RHBDD1: variants seen among roughly 807,000 people sequenced by gnomAD.
RHBDD1 encodes rhomboid domain containing 1.
A neutral mutation model predicts 36.3 loss-of-function variants in RHBDD1; 38 were observed. The observed-to-expected ratio is 1.05, with a 90% CI of 0.81 to 1.37. The LOEUF (loss-of-function observed/expected upper bound fraction) is 1.37. Among genes scored for constraint, RHBDD1 ranks in the 40% most tolerant of loss-of-function variants. The pLI is 0.00. For missense variants in RHBDD1, 393 were observed against 377.6 expected, an observed-to-expected ratio of 1.04 and a Z score of -0.34; for synonymous variants, 151 against 136.5, an observed-to-expected ratio of 1.11 and a Z score of -0.74.
intron 3 of RHBDD1, among the ~76,000 whole-genome samples, chr2:226,850,899 G>T (rs1441550999): frequency 6.6e-6 from 1 of 152,098 alleles, no homozygotes; most frequent in Non-Finnish European, 1.5e-5. Flanking sequence ...GAAAGCTGGG[G>T]TAGTTCCATA....
intron 2 of RHBDD1, among the ~76,000 whole-genome samples, chr2:226,838,974 C>A (rs958502760): frequency 2.0e-5 from 3 of 152,138 alleles, no homozygotes; most frequent in East Asian, 1.9e-4. Flanking sequence ...GACACTGTTA[C>A]AGGAAATGAG....
intron 7 of RHBDD1, among the ~76,000 whole-genome samples, chr2:226,911,209 G>C (rs1460246394): frequency 1.3e-5 from 2 of 152,062 alleles, no homozygotes; most frequent in Non-Finnish European, 2.9e-5. Flanking sequence ...GGGTTATTTT[G>C]GCTTTTGAAT....
At chr2:226,830,796 C>A (rs1940721697), upstream of RHBDD1, among the ~76,000 whole-genome samples, 2 of 148,516 alleles carry the variant, frequency 1.3e-5, no homozygotes, top group Admixed American at 6.6e-5. Context: ...CCTCAGCCTC[C>A]TGAGTAGCTG....
chr2:226,988,498 A>G (rs1957492913), intron 8 of RHBDD1: 1 of 1,529,422 alleles, frequency 6.5e-7, no homozygotes, highest in African/African-American at 1.4e-5. Flanking sequence ...GCAAAGACTC[A>G]GGCCTTGCGA....
At chr2:226,806,517 C>T in the RHBDD1 span, among the ~76,000 whole-genome samples, 3 of 152,208 alleles carry the variant, frequency 2.0e-5, no homozygotes, top group African/African-American at 7.2e-5. Flanking sequence ...TAACCTCCAG[C>T]AACTGTCACA....
At chr2:226,810,119 G>C in the RHBDD1 span, among the ~76,000 whole-genome samples, 8 of 152,172 alleles carry the variant, frequency 5.3e-5, no homozygotes, top group Non-Finnish European at 8.8e-5. Context: ...TATAACTTTA[G>C]ACTCTCCAAA....
At position 226,995,452 on chromosome 2, in the gene RHBDD1, C is replaced by T. The variant is rs765216244; in HGVS notation, c.878C>T (p.Pro293Leu). The change falls in exon 9 of 9, where the codon CCA becomes CTA. Residue 293 changes from proline (P) to leucine (L), a missense_variant. Pro to Leu is a moderately conservative substitution (Grantham distance 98). Transcript: ENST00000392062. ...ACAGGAAATACCAGAAATAGCCCAC[C>T]ACCCTACGGGTTTCATCTCTCACCA... is the stretch of plus-strand genomic sequence containing the variant. ...WDRGNTRNSP[P>L]PYGFHLSPEE... 3.2e-5 allele frequency: 51 copies of T among 1,612,420 alleles called. No homozygotes were observed. Among genetic ancestry groups the T allele is most frequent in the Non-Finnish European group, 4.0e-5 (47 of 1,179,022 alleles).
At chr2:226,836,391 C>T (rs1940965818) in intron 1 of RHBDD1, among the ~76,000 whole-genome samples, 1 of 152,204 alleles carries the variant, frequency 6.6e-6, no homozygotes, top group South Asian at 2.1e-4. Context: ...AAGGGGTTGG[C>T]GCTGAGCGAG....
chr2:226,910,525 C>T (rs542156849), intron 7 of RHBDD1, among the ~76,000 whole-genome samples: 1 of 152,122 alleles, frequency 6.6e-6, no homozygotes, highest in African/African-American at 2.4e-5. Context: ...ATTTAAAAAG[C>T]TGTTACCAAT....
At chr2:226,941,320 G>A (rs1950651436) in intron 8 of RHBDD1, among the ~76,000 whole-genome samples, 1 of 152,176 alleles carries the variant, frequency 6.6e-6, no homozygotes, top group Non-Finnish European at 1.5e-5. Flanking sequence ...AACCTCAAGT[G>A]CACTTCTCCA....
chr2:226,946,457 G>A lies in RHBDD1; in HGVS notation c.856+32106G>A, dbSNP rs60518261. Among the ~76,000 whole-genome samples the A allele has an allele frequency of 5.5e-3, 837 of 151,990 alleles. 10 individuals are homozygous for A. Among genetic ancestry groups the A allele is most frequent in the African/African-American group, 0.019 (802 of 41,480 alleles). The stretch of plus-strand genomic sequence containing the variant: ...GTTTTGGCTACTGTAGCCTTGTAGT[G>A]TAGTTTGAAGTCAGAAGACAAGAAA... On this transcript the variant is annotated intron_variant, in intron 8 of 8. Transcript: ENST00000392062.
chr2:226,987,614 CTGTG>C (rs1957280043), intron 8 of RHBDD1, among the ~76,000 whole-genome samples: 1 of 152,234 alleles, frequency 6.6e-6, no homozygotes, highest in African/African-American at 2.4e-5. Flanking sequence ...ACTCGAACCT[CTGTG>C]TGGGAGTCAG....
intron 8 of RHBDD1, among the ~76,000 whole-genome samples, chr2:226,945,980 G>A (rs560106234): frequency 3.9e-5 from 6 of 152,046 alleles, no homozygotes; most frequent in African/African-American, 9.6e-5. Context: ...CATAACCTTC[G>A]CCCACTTTTT....
Position 226,874,811 on chromosome 2 carries a change from A to G in RHBDD1, c.566+7493A>G, listed in dbSNP as rs1321660671. 3.3e-5 allele frequency among the ~76,000 whole-genome samples: 5 copies of G among 152,320 alleles called. No individual in the cohort carries two copies. In the East Asian group the frequency reaches 7.7e-4, roughly 23 times the overall value. ...ACCATTATTCAGCCTACTACAGCAT[A>G]AACAAAAAATAGAAAGTGATGGAAA... On this transcript the variant is annotated intron_variant, in intron 5 of 8. Transcript: ENST00000392062.
chr2:226,862,627 T>C (rs1943954707), intron 3 of RHBDD1, among the ~76,000 whole-genome samples: 1 of 152,262 alleles, frequency 6.6e-6, no homozygotes, highest in African/African-American at 2.4e-5. Context: ...TCTGTGTCTC[T>C]GCCTGCATCT....
intron 3 of RHBDD1, among the ~76,000 whole-genome samples, chr2:226,852,901 T>TTTATTATTGTTGTTATTA (rs1553543385): frequency 8.0e-6 from 1 of 125,204 alleles, no homozygotes; most frequent in African/African-American, 3.2e-5. Context: ...ACCTGGCTAA[T>TTTATTATTGTTGTTATTA]TTATTATTAT....
intron 8 of RHBDD1, among the ~76,000 whole-genome samples, chr2:226,945,522 G>C (rs1950931471): frequency 6.6e-6 from 1 of 152,114 alleles, no homozygotes. Flanking sequence ...GTATTCCATG[G>C]TTTATATGTG....
chr2:226,847,525 C>CTG (rs1942350842), intron 3 of RHBDD1, among the ~76,000 whole-genome samples: 2 of 152,154 alleles, frequency 1.3e-5, no homozygotes, highest in Non-Finnish European at 2.9e-5. Context: ...AGAAAGAAAA[C>CTG]AGCAAACCCA....
At chr2:226,976,296 C>G (rs547272302) in intron 8 of RHBDD1, among the ~76,000 whole-genome samples, 6 of 147,694 alleles carry the variant, frequency 4.1e-5, no homozygotes, top group African/African-American at 1.5e-4. Flanking sequence ...TGCCCACCCC[C>G]CTGGAGACAC....
Sources: allele counts gnomAD v4.1 joint callset (sites outside exome capture counted in the v4.1 genomes callset), GRCh38; gene constraint gnomAD v4.1.1; transcripts MANE v1.5; gene names NCBI Gene and HGNC (gene_info 2026-07-23, HGNC 2026-07-21).